The following RPGRIP1L variants were observed in gnomAD, a reference collection of about 807,000 sequenced individuals.
RPGRIP1L encodes the protein RPGRIP1 like, also known as protein fantom.
A neutral mutation model predicts 160.4 loss-of-function variants in RPGRIP1L; 131 were observed. The observed-to-expected ratio is 0.82, with a 90% CI of 0.71 to 0.94. The LOEUF is 0.94. Among genes scored for constraint, RPGRIP1L ranks in the 40% least tolerant of loss-of-function variants. The pLI, the probability that RPGRIP1L is intolerant of heterozygous loss-of-function variation, is 0.00. For missense variants in RPGRIP1L, 1,522 were observed against 1,535.8 expected (o/e 0.99, Z 0.15); for synonymous variants, 510 against 515.8 (o/e 0.99, Z 0.15).
intron 10 of RPGRIP1L, among the ~76,000 whole-genome samples, chr16:53,661,199 C>T (rs955453139): frequency 6.1e-5 from 9 of 148,512 alleles, no homozygotes; most frequent in Non-Finnish European, 1.3e-4. Flanking sequence ...GAGGCTGAGA[C>T]AGGATAAGAA....
chr16:53,650,604 C>A (rs1210775047), intron 15 of RPGRIP1L, among the ~76,000 whole-genome samples: 4 of 152,084 alleles, frequency 2.6e-5, no homozygotes, highest in Admixed American at 2.6e-4. Flanking sequence ...TTGAAAGAAT[C>A]TGCAGCCTTT....
rs188218712 is a variant in RPGRIP1L, at chr16:53,678,741, G to A, written c.777-3619C>T. Among the ~76,000 whole-genome samples, 4 of 152,272 alleles carry A rather than the reference G, an allele frequency of 2.6e-5. No individual in the cohort carries two copies. The East Asian group carries it at 7.7e-4, about 29-fold the overall frequency. Reference sequence around the variant, plus strand: ...AGGTCAAATATTTACGACACAGAATGGAGAGACTGTTTTGAGTAATAGTTA... The same window carrying A: ...AGGTCAAATATTTACGACACAGAATAGAGAGACTGTTTTGAGTAATAGTTA... On this transcript the variant is annotated intron_variant, in intron 6 of 26. Coordinates refer to ENST00000647211, the MANE Select transcript of RPGRIP1L (RefSeq NM_015272.5).
rs1966511029 is a variant in RPGRIP1L, at chr16:53,645,875, TG to T, written c.2432del (p.Pro811HisfsTer38). On this transcript the variant is annotated frameshift_variant, in exon 17 of 27. Coordinates refer to ENST00000647211, the MANE Select transcript of RPGRIP1L (RefSeq NM_015272.5). LOFTEE classifies it high-confidence loss of function. ...AAAACTTGTACACAACATATGGGTGTGGCTGCAGGTGGCTTGCTCGGGACTG... is the reference window on the plus strand; with the variant it reads ...AAAACTTGTACACAACATATGGGTGTGCTGCAGGTGGCTTGCTCGGGACTG... ...HLQSRASHLQ[P>X]HPYVVYKFFD... 10 of 1,614,130 alleles carry T rather than the reference TG, an allele frequency of 6.2e-6. No homozygotes were observed. Among genetic ancestry groups the T allele is most frequent in the Non-Finnish European group, 5.9e-6 (7 of 1,180,022 alleles).
intron 19 of RPGRIP1L, among the ~76,000 whole-genome samples, chr16:53,640,390 G>A (rs949565054): frequency 1.3e-5 from 2 of 152,206 alleles, no homozygotes; most frequent in Non-Finnish European, 2.9e-5. Flanking sequence ...ATATGAAAGT[G>A]TCAGCGTATA....
At chr16:53,638,247 A>C (rs186619460) in intron 20 of RPGRIP1L, 63 bp downstream of exon 20, 3 of 986,038 alleles carry the variant, frequency 3.0e-6, no homozygotes, top group Admixed American at 3.4e-5. Flanking sequence ...GTCAAAACTT[A>C]TAAGACAAAG....
chr16:53,680,593 T>C (rs753229824), intron 6 of RPGRIP1L, among the ~76,000 whole-genome samples: 4 of 152,078 alleles, frequency 2.6e-5, no homozygotes, highest in African/African-American at 4.8e-5. Flanking sequence ...CAAAAGACAT[T>C]ATTGGGACAA....
chr16:53,649,253 G>T, intron 15 of RPGRIP1L, 138 bp from the exon 16 acceptor site: 1 of 674,500 alleles, frequency 1.5e-6, no homozygotes, highest in Non-Finnish European at 2.6e-6. Context: ...CACAAATGAT[G>T]TGAGATTGGC....
At position 53,641,473 on chromosome 16, in the gene RPGRIP1L, T is replaced by G. The variant is rs1441761004; in HGVS notation, c.2686A>C (p.Ile896Leu). 1 of 1,612,010 alleles carries G rather than the reference T, an allele frequency of 6.2e-7. No homozygotes were observed. The highest frequency in any genetic ancestry group is 1.3e-5 in the African/African-American group (1 of 74,872). Residue 896 changes from isoleucine (I) to leucine (L), a missense_variant and splice_region_variant, in exon 18 of 27, where the codon ATA (isoleucine) becomes CTA (leucine). Coordinates refer to ENST00000647211, the MANE Select transcript of RPGRIP1L (RefSeq NM_015272.5). Reference sequence around the variant, plus strand: ...TTTTGATGGTCTGTTAACTCAAATATTCCTGTCAAATTACAATAATTTTAA... The same window carrying G: ...TTTTGATGGTCTGTTAACTCAAATAGTCCTGTCAAATTACAATAATTTTAA... Reference protein sequence around the residue: ...SLAHDRCISGIFELTDHQKHP... With the variant: ...SLAHDRCISGLFELTDHQKHP...
chr16:53,698,854 C>A (rs1191983471), intron 2 of RPGRIP1L, among the ~76,000 whole-genome samples: 4 of 152,044 alleles, frequency 2.6e-5, no homozygotes, highest in African/African-American at 9.7e-5. Context: ...AAGTGAGGAC[C>A]CCTCTGCCCA....
intron 4 of RPGRIP1L, among the ~76,000 whole-genome samples, chr16:53,691,252 T>C (rs989470442): frequency 3.3e-5 from 5 of 152,152 alleles, no homozygotes; most frequent in African/African-American, 9.6e-5. Flanking sequence ...TTCCTACTAG[T>C]TGAAATTTTA....
At chr16:53,618,294 G>A (rs999877741) in intron 24 of RPGRIP1L, among the ~76,000 whole-genome samples, 14 of 152,098 alleles carry the variant, frequency 9.2e-5, no homozygotes, top group Admixed American at 2.6e-4. Context: ...ATATATACAC[G>A]TATTGTAAAA....
At chr16:53,610,535 T>TC (rs1963963953) in intron 25 of RPGRIP1L, among the ~76,000 whole-genome samples, 1 of 152,206 alleles carries the variant, frequency 6.6e-6, no homozygotes, top group Non-Finnish European at 1.5e-5. Context: ...TATGGTGTTA[T>TC]CATCTCCATT....
Position 53,650,058 on chromosome 16 carries a change from T to G in RPGRIP1L, c.2153-943A>C, listed in dbSNP as rs550529379. Among the ~76,000 whole-genome samples the G allele has an allele frequency of 9.8e-5, 15 of 152,296 alleles. No individual in the cohort carries two copies. In the South Asian group the frequency reaches 3.1e-3, roughly 32 times the overall value. ...TGGATCATTCTCATCAGCATACAAA[T>G]GTGACTTACTATCTGCCTGCTATAG... On this transcript the variant is annotated intron_variant, in intron 15 of 26. Transcript: ENST00000647211.
intron 25 of RPGRIP1L, among the ~76,000 whole-genome samples, chr16:53,609,424 T>C (rs1435385927): frequency 6.6e-6 from 1 of 152,102 alleles, no homozygotes; most frequent in Non-Finnish European, 1.5e-5. Context: ...TCTATTCTGG[T>C]ACAAATAAGT....
intron 10 of RPGRIP1L, among the ~76,000 whole-genome samples, chr16:53,661,296 CAAA>C (rs77367756): frequency 2.3e-5 from 2 of 85,788 alleles, no homozygotes; most frequent in African/African-American, 4.7e-5. Context: ...CACTCCATTT[CAAA>C]AAAAAAAAAA....
chr16:53,648,620 GCGCGCGCACACA>G (rs1314989561), intron 16 of RPGRIP1L, among the ~76,000 whole-genome samples: 2 of 62,400 alleles, frequency 3.2e-5, no homozygotes, highest in African/African-American at 9.6e-5. Context: ...GCGTGCGCGC[GCGCGCGCACACA>G]CACACACACA....
chr16:53,615,365 C>T (rs1199240764), intron 24 of RPGRIP1L, among the ~76,000 whole-genome samples: 1 of 151,428 alleles, frequency 6.6e-6, no homozygotes, highest in South Asian at 2.1e-4. Context: ...AATTTTCAGG[C>T]CCAATAAAAT....
Position 53,672,957 on chromosome 16 carries a change from G to A in RPGRIP1L, c.942C>T (p.Asn314=). The A allele has an allele frequency of 1.2e-6, 2 of 1,613,122 alleles. No individual in the cohort carries two copies. The highest frequency in any genetic ancestry group is 1.7e-6 in the Non-Finnish European group (2 of 1,179,408). ...DALMANGDEL[N]MQLKEQRLKC... ...TTAAACGCTGCTCTTTAAGTTGCAT[G>A]TTTAATTCATCCCCATTTGCCATCA... Residue 314 remains asparagine, a synonymous_variant, in exon 8 of 27, where the codon AAC becomes AAT. Coordinates refer to ENST00000647211, the MANE Select transcript of RPGRIP1L (RefSeq NM_015272.5).
chr16:53,680,215 T>C (rs1969501677), intron 6 of RPGRIP1L, among the ~76,000 whole-genome samples: 1 of 152,170 alleles, frequency 6.6e-6, no homozygotes, highest in Admixed American at 6.5e-5. Flanking sequence ...TATTTCAGTG[T>C]GAAAATTTTC....
Sources: allele counts gnomAD v4.1 joint callset (sites outside exome capture counted in the v4.1 genomes callset), GRCh38; gene constraint gnomAD v4.1.1; transcripts MANE v1.5; gene names NCBI Gene and HGNC (gene_info 2026-07-23, HGNC 2026-07-21).